SSH1: variants seen among roughly 807,000 people sequenced by gnomAD.
The protein encoded by SSH1 is slingshot protein phosphatase 1.
Under a neutral mutation model 79.7 loss-of-function variants are expected in SSH1, and 43 were observed. That is an observed-to-expected ratio of 0.54 (90% CI 0.42 to 0.70). The LOEUF (loss-of-function observed/expected upper bound fraction) is 0.70, where lower values mean the gene tolerates loss of function less well. SSH1 is among the 30% of genes least tolerant of loss of function. The pLI, the probability that SSH1 is intolerant of heterozygous loss-of-function variation, is 0.00. For missense variants in SSH1, 1,206 were observed against 1,358.8 expected, an observed-to-expected ratio of 0.89 and a Z score of 1.77; for synonymous variants, 599 against 538.3, an observed-to-expected ratio of 1.11 and a Z score of -1.56.
chr12:108,857,412 C>A lies in SSH1; in HGVS notation c.69+16G>T. 1 of 1,036,364 alleles carries A rather than the reference C, an allele frequency of 9.6e-7. No individual in the cohort carries two copies. Among genetic ancestry groups the A allele is most frequent in the Non-Finnish European group, 1.2e-6 (1 of 859,124 alleles). The allele number at this position is 1,036,364 out of a possible 1,614,324, so 64.2% of individuals were successfully genotyped here. A position where few individuals can be genotyped will look rare whatever the true frequency, so the allele number is the denominator to read the frequency against. ...GTCCGGCGGCCCAGGCCGGGCGCGG[C>A]GAGCCCGGGGCTCACCTCGCTGTTG... On this transcript the variant is annotated intron_variant, in intron 1 of 14. Transcript: ENST00000326495. This position sits in a 1 kb window ranked among gnomAD's most constrained non-coding sequence, Gnocchi z 4.7.
At chr12:108,829,064 A>G (rs536729031) in intron 2 of SSH1, among the ~76,000 whole-genome samples, 3 of 152,328 alleles carry the variant, frequency 2.0e-5, no homozygotes, top group African/African-American at 7.2e-5. Flanking sequence ...GTGATGACTC[A>G]TTCCTGTAAT....
In SSH1 at chr12:108,784,799, G is replaced by C. The variant is rs925771568; in HGVS notation, c.*3189C>G. ...TGAATTAATGTGAGGCAGAAGATAA[G>C]ATTCAGCTGTTTTTTATAAAGAGTA... On this transcript the variant is annotated 3_prime_UTR_variant, in exon 15 of 15. Coordinates refer to ENST00000326495, the MANE Select transcript of SSH1 (RefSeq NM_018984.4). The C allele has an allele frequency of 1.3e-5, 2 of 152,212 alleles. No homozygotes were observed. The highest frequency in any genetic ancestry group is 2.9e-5 in the Non-Finnish European group (2 of 68,046). The allele number at this position is 152,212 out of a possible 1,614,324, so 9.4% of individuals were successfully genotyped here.
At position 108,782,146 on chromosome 12, in the gene SSH1, A is replaced by ATT. The variant is rs1565955960; in HGVS notation, c.*5841_*5842insAA. ...AGACCCAGTCTCAAAAAAAAAAAAA[A>ATT]AAAAATTAAAAAAAAAAAAATGGAA... On this transcript the variant is annotated 3_prime_UTR_variant, in exon 15 of 15. Transcript: ENST00000326495. 19 of 151,196 alleles carry ATT rather than the reference A, an allele frequency of 1.3e-4. No homozygotes were observed. In the East Asian group the frequency reaches 3.1e-3, roughly 25 times the overall value. 9.4% of individuals were successfully genotyped at this position (151,196 alleles called of 1,614,324 possible). A position where few individuals can be genotyped will look rare whatever the true frequency, so the allele number is the denominator to read the frequency against.
At chr12:108,825,258 C>T (rs2038268227) in intron 2 of SSH1, among the ~76,000 whole-genome samples, 1 of 152,062 alleles carries the variant, frequency 6.6e-6, no homozygotes, top group Admixed American at 6.6e-5. Flanking sequence ...GACAGAAAGA[C>T]GAAGATGTTT....
At chr12:108,811,628 T>G in intron 5 of SSH1, 1 of 452,830 alleles carries the variant, frequency 2.2e-6, no homozygotes, top group Non-Finnish European at 4.1e-6. Context: ...GCCACATGTG[T>G]ACTTGGGGGT....
At chr12:108,809,307 G>A (rs1226525271) in intron 7 of SSH1, among the ~76,000 whole-genome samples, 1 of 151,326 alleles carries the variant, frequency 6.6e-6, no homozygotes, top group Admixed American at 6.6e-5. Context: ...AAATAGAAAA[G>A]TTAGCCGGGT....
intron 2 of SSH1, among the ~76,000 whole-genome samples, chr12:108,825,345 A>G (rs374796176): frequency 1.3e-5 from 2 of 152,238 alleles, no homozygotes; most frequent in African/African-American, 2.4e-5. Context: ...ATTCTGGAAT[A>G]AAAAACTCAG....
intron 2 of SSH1, among the ~76,000 whole-genome samples, chr12:108,850,758 G>GTCGGGGGAGGGGAACC (rs2039020357): frequency 7.9e-6 from 1 of 125,996 alleles, no homozygotes; most frequent in Non-Finnish European, 1.7e-5. Flanking sequence ...GAGATGGGGA[G>GTCGGGGGAGGGGAACC]TCGGGGGAGG....
At position 108,787,935 on chromosome 12, in the gene SSH1, G is replaced by A. The variant is rs976910131; in HGVS notation, c.*53C>T. The A allele has an allele frequency of 6.2e-6, 10 of 1,606,736 alleles. No individual in the cohort carries two copies. The African/African-American group carries it at 1.2e-4, about 19-fold the overall frequency. On this transcript the variant is annotated 3_prime_UTR_variant, in exon 15 of 15. Transcript: ENST00000326495. ...GTCGATCCAAATCCACAGTGAAAGT[G>A]AGGGAGGGATCATATGAAAATATCC...
At chr12:108,796,747 CTTT>C (rs781534722) in intron 13 of SSH1, among the ~76,000 whole-genome samples, 2 of 144,922 alleles carry the variant, frequency 1.4e-5, no homozygotes, top group Non-Finnish European at 1.5e-5. Flanking sequence ...AATTTTATTC[CTTT>C]TTTTTTTTTT....
chr12:108,824,906 A>AC (rs1369501171), intron 2 of SSH1, among the ~76,000 whole-genome samples: 1 of 152,348 alleles, frequency 6.6e-6, no homozygotes, highest in East Asian at 1.9e-4. Context: ...TGCATAAAAT[A>AC]CACCAAAATT....
intron 13 of SSH1, among the ~76,000 whole-genome samples, chr12:108,795,498 G>A (rs1171195437): frequency 6.6e-6 from 1 of 151,842 alleles, no homozygotes; most frequent in Admixed American, 6.6e-5. Context: ...CAGGTGATCC[G>A]CCTGCATCGG....
intron 9 of SSH1, among the ~76,000 whole-genome samples, chr12:108,805,798 A>G (rs1331831791): frequency 6.6e-6 from 1 of 152,258 alleles, no homozygotes; most frequent in Non-Finnish European, 1.5e-5. Context: ...TGCTTTGAAT[A>G]AAAAGCAATG....
intron 1 of SSH1, among the ~76,000 whole-genome samples, chr12:108,854,637 T>C (rs1167772032): frequency 6.6e-6 from 1 of 151,940 alleles, no homozygotes; most frequent in Non-Finnish European, 1.5e-5. Context: ...ATTTGAAGAG[T>C]GATGACGTGA....
chr12:108,837,088 C>T (rs1158761616), intron 2 of SSH1: 3 of 387,820 alleles, frequency 7.7e-6, no homozygotes, highest in East Asian at 7.6e-5. Flanking sequence ...AAAAATTAGC[C>T]GAGCGTGGTG....
chr12:108,857,575 G>GGC lies in SSH1; in HGVS notation c.-80_-79insGC. 1 of 887,884 alleles carries GGC rather than the reference G, an allele frequency of 1.1e-6. No homozygotes were observed. The highest frequency in any genetic ancestry group is 1.3e-6 in the Non-Finnish European group (1 of 743,072). The allele number at this position is 887,884 out of a possible 1,614,324, so 55.0% of individuals were successfully genotyped here. ...GCCACCGCCGCCCGGGCCGGGCCCG[G>GGC]GGCCTCCTGGAGCCGCGCGCGGGCG... On this transcript the variant is annotated 5_prime_UTR_variant, in exon 1 of 15. Coordinates refer to ENST00000326495, the MANE Select transcript of SSH1 (RefSeq NM_018984.4). The surrounding 1 kb of genome is among the most constrained non-coding windows in gnomAD (Gnocchi z 4.7).
chr12:108,843,254 C>T lies in SSH1; in HGVS notation c.110+9384G>A, dbSNP rs139041855. ...CAGCACCGATATTACTAAACTGCAA[C>T]GGAGGCAACGGTGGGAAGAATTTCT... On this transcript the variant is annotated intron_variant, in intron 2 of 14. Transcript: ENST00000326495. Among the ~76,000 whole-genome samples the T allele has an allele frequency of 5.1e-3, 780 of 152,230 alleles. 7 individuals are homozygous for T. Among genetic ancestry groups the T allele is most frequent in the Non-Finnish European group, 8.2e-3 (556 of 68,022 alleles).
rs958365240 is a variant in SSH1 at position 108,783,369 on chromosome 12, A to G, written c.*4619T>C. ...TACTGACAAGACCAAGTATCCAATC[A>G]TAACAGATGAGACTTTAACAGTTTT... is the stretch of plus-strand genomic sequence containing the variant. On this transcript the variant is annotated 3_prime_UTR_variant, in exon 15 of 15. Transcript: ENST00000326495. The G allele has an allele frequency of 2.0e-5, 3 of 152,294 alleles. No homozygotes were observed. The highest frequency in any genetic ancestry group is 4.8e-5 in the African/African-American group (2 of 41,476). The allele number at this position is 152,294 out of a possible 1,614,324, so 9.4% of individuals were successfully genotyped here.
chr12:108,788,427 C>G lies in SSH1; in HGVS notation c.2711G>C (p.Arg904Pro). The G allele has an allele frequency of 6.3e-7, 1 of 1,589,266 alleles. No homozygotes were observed. Among genetic ancestry groups the G allele is most frequent in the Non-Finnish European group, 8.5e-7 (1 of 1,169,624 alleles). The change falls in exon 15 of 15, where the codon CGC (arginine) becomes CCC (proline). Residue 904 changes from arginine (R) to proline (P), a missense_variant. Arg to Pro is a moderately radical substitution (Grantham distance 103). Coordinates refer to ENST00000326495, the MANE Select transcript of SSH1 (RefSeq NM_018984.4). The part of the protein sequence containing the change: ...SLKSPPPFFY[R>P]LDHTSSFSKD... ...TGAGAAACTACTGGTGTGGTCCAGG[C>G]GGTAGAAGAAAGGAGGGGGGCTCTT...
Sources: allele counts gnomAD v4.1 joint callset (sites outside exome capture counted in the v4.1 genomes callset), GRCh38; gene constraint gnomAD v4.1.1; non-coding constraint Gnocchi (gnomAD v3.1); transcripts MANE v1.5; gene names NCBI Gene and HGNC (gene_info 2026-07-23, HGNC 2026-07-21).